LRRTM4: variants seen among roughly 807,000 people sequenced by gnomAD.
LRRTM4 encodes leucine-rich repeat transmembrane neuronal protein 4.
LRRTM4 carries 25 observed loss-of-function variants against 47.6 expected under a neutral mutation model. The observed-to-expected ratio is 0.53, with a 90% CI of 0.38 to 0.73. The LOEUF is 0.73. Ranked by LOEUF, LRRTM4 falls within the 30% of genes least tolerant of loss-of-function variation. The probability of loss-of-function intolerance (pLI) is 0.00; values close to 1 mark genes in which losing one functional copy is unlikely to be tolerated. For synonymous variants in LRRTM4, 311 were observed against 269.5 expected, an observed-to-expected ratio of 1.15 and a Z score of -1.51; for missense variants, 638 against 713.4, an observed-to-expected ratio of 0.89 and a Z score of 1.20.
intron 3 of LRRTM4, among the ~76,000 whole-genome samples, chr2:77,355,543 C>A (rs545432257): frequency 6.6e-6 from 1 of 152,242 alleles, no homozygotes; most frequent in Non-Finnish European, 1.5e-5. Context: ...GAGAACAATA[C>A]AACACTCAGG....
intron 3 of LRRTM4, among the ~76,000 whole-genome samples, chr2:76,757,262 T>C (rs1344134064): frequency 1.3e-5 from 2 of 152,152 alleles, no homozygotes; most frequent in Non-Finnish European, 2.9e-5. Flanking sequence ...TGTCTTGTCC[T>C]GTTGTTATTT....
chr2:77,294,301 TG>T (rs1676910891), intron 3 of LRRTM4, among the ~76,000 whole-genome samples: 1 of 152,108 alleles, frequency 6.6e-6, no homozygotes, highest in South Asian at 2.1e-4. Context: ...TTTTCAGTTA[TG>T]TGAAGAGCCA....
chr2:77,212,361 T>C (rs1376044270), intron 3 of LRRTM4, among the ~76,000 whole-genome samples: 1 of 150,516 alleles, frequency 6.6e-6, no homozygotes, highest in Admixed American at 6.7e-5. Flanking sequence ...TCATGATATA[T>C]ATATATATAT....
Position 77,179,536 on chromosome 2 carries a change from A to C in LRRTM4, c.1551+338782T>G, listed in dbSNP as rs556735125. Among the ~76,000 whole-genome samples, 170 of 152,304 alleles carry C rather than the reference A, an allele frequency of 1.1e-3. 1 individual carries two copies. The highest frequency in any genetic ancestry group is 3.9e-3 in the African/African-American group (162 of 41,572). ...AGTAAGTAATTACTTGTCGTTCGTC[A>C]GTATTTCAAGAAGACTGTGTGGATG... is the stretch of plus-strand genomic sequence containing the variant. On this transcript the variant is annotated intron_variant, in intron 3 of 3. Transcript: ENST00000409884.
At chr2:77,448,588 TA>T (rs1676141017) in intron 3 of LRRTM4, among the ~76,000 whole-genome samples, 2 of 151,866 alleles carry the variant, frequency 1.3e-5, no homozygotes, top group South Asian at 4.1e-4. Flanking sequence ...TTCATTTACA[TA>T]ATTCTTATTC....
intron 3 of LRRTM4, among the ~76,000 whole-genome samples, chr2:77,412,623 C>T (rs545156867): frequency 3.7e-4 from 57 of 152,320 alleles, no homozygotes; most frequent in African/African-American, 1.3e-3. Context: ...TCTGTGCAAT[C>T]ACAGTCTGTA....
intron 3 of LRRTM4, among the ~76,000 whole-genome samples, chr2:76,970,773 A>T (rs1316855265): frequency 6.6e-6 from 1 of 152,032 alleles, no homozygotes; most frequent in Admixed American, 6.6e-5. Context: ...ATTGGATTGG[A>T]AGGTGTTTCG....
intron 3 of LRRTM4, among the ~76,000 whole-genome samples, chr2:76,902,731 C>A (rs1281027150): frequency 1.3e-5 from 2 of 152,122 alleles, no homozygotes; most frequent in Non-Finnish European, 2.9e-5. Context: ...CTGTGATGCA[C>A]CACCATTTTA....
At chr2:76,882,947 T>A (rs1012620241) in intron 3 of LRRTM4, among the ~76,000 whole-genome samples, 4 of 152,018 alleles carry the variant, frequency 2.6e-5, no homozygotes, top group Non-Finnish European at 5.9e-5. Flanking sequence ...GCTACAGCCA[T>A]TTATCCTTCC....
intron 3 of LRRTM4, among the ~76,000 whole-genome samples, chr2:77,048,535 T>A (rs1679307693): frequency 6.6e-6 from 1 of 152,058 alleles, no homozygotes; most frequent in South Asian, 2.1e-4. Context: ...AAAAGAGTTC[T>A]AAATAAAAAT....
intron 3 of LRRTM4, among the ~76,000 whole-genome samples, chr2:77,416,835 G>A (rs1360555375): frequency 6.6e-6 from 1 of 152,034 alleles, no homozygotes; most frequent in Non-Finnish European, 1.5e-5. Context: ...GTAAAATACT[G>A]TAATATTTTA....
chr2:77,173,132 CATAAAA>C (rs1673102499), intron 3 of LRRTM4, among the ~76,000 whole-genome samples: 1 of 152,102 alleles, frequency 6.6e-6, no homozygotes, highest in Non-Finnish European at 1.5e-5. Flanking sequence ...AAAAGTTTAT[CATAAAA>C]ATAAATGTAA....
At chr2:76,866,899 A>G (rs913841341) in intron 3 of LRRTM4, among the ~76,000 whole-genome samples, 1 of 152,208 alleles carries the variant, frequency 6.6e-6, no homozygotes, top group African/African-American at 2.4e-5. Context: ...ATAAAAAAGA[A>G]TGAGGTCATG....
At chr2:77,309,236 C>A (rs766036169) in intron 3 of LRRTM4, among the ~76,000 whole-genome samples, 1 of 152,006 alleles carries the variant, frequency 6.6e-6, no homozygotes, top group East Asian at 1.9e-4. Context: ...GACTAAAAAA[C>A]CAAATGGACA....
At chr2:76,806,954 C>G (rs1001616854) in intron 3 of LRRTM4, among the ~76,000 whole-genome samples, 2 of 152,014 alleles carry the variant, frequency 1.3e-5, no homozygotes, top group Non-Finnish European at 2.9e-5. Context: ...AATTCACTGG[C>G]AGACAGAGAA....
intron 3 of LRRTM4, among the ~76,000 whole-genome samples, chr2:77,499,199 G>A (rs568610710): frequency 6.6e-6 from 1 of 151,992 alleles, no homozygotes; most frequent in African/African-American, 2.4e-5. Context: ...ATAGAGGCAA[G>A]GCATGTTTAC....
At chr2:76,814,136 T>C (rs1376829399) in intron 3 of LRRTM4, among the ~76,000 whole-genome samples, 1 of 152,134 alleles carries the variant, frequency 6.6e-6, no homozygotes, top group Non-Finnish European at 1.5e-5. Flanking sequence ...CTCATGACTA[T>C]AATGAGGTTA....
At chr2:77,191,678 C>T (rs1364515327) in intron 3 of LRRTM4, among the ~76,000 whole-genome samples, 1 of 151,746 alleles carries the variant, frequency 6.6e-6, no homozygotes, top group Non-Finnish European at 1.5e-5. Flanking sequence ...TGCAATTTGT[C>T]TTAGCTGACT....
intron 3 of LRRTM4, among the ~76,000 whole-genome samples, chr2:76,996,864 A>G (rs1183402441): frequency 6.6e-6 from 1 of 152,106 alleles, no homozygotes; most frequent in African/African-American, 2.4e-5. Flanking sequence ...ATTGCAATCT[A>G]TTTCTTAGAG....
Sources: gnomAD v4.1 joint callset for allele counts (sites outside exome capture counted in the v4.1 genomes callset) on GRCh38, gnomAD v4.1.1 for gene constraint, MANE v1.5 for transcripts, NCBI Gene and HGNC (gene_info 2026-07-23, HGNC 2026-07-21) for gene names.